CSMD1: variants seen among roughly 807,000 people sequenced by gnomAD.
The protein encoded by CSMD1 is CUB and Sushi multiple domains 1.
In CSMD1, 213 loss-of-function variants were observed where a neutral mutation model predicts 417.5. The ratio of observed to expected loss-of-function variants is 0.51; its 90% CI spans 0.46 to 0.57. CSMD1 has a LOEUF of 0.57. CSMD1 is among the 20% of genes least tolerant of loss of function. The pLI, the probability that CSMD1 is intolerant of heterozygous loss-of-function variation, is 0.00. For synonymous variants in CSMD1, 2,862 were observed against 1,736.8 expected (o/e 1.65, Z -16.11); for missense variants, 6,923 against 4,529.7 (o/e 1.53, Z -15.17).
intron 57 of CSMD1, among the ~76,000 whole-genome samples, 155 bp from the exon 58 acceptor site, chr8:2,966,901 C>T (rs1413312876): frequency 6.6e-6 from 1 of 152,182 alleles, no homozygotes; most frequent in East Asian, 1.9e-4. Flanking sequence ...ATATGGCTTA[C>T]TATGGCTCAT....
intron 5 of CSMD1, among the ~76,000 whole-genome samples, chr8:3,909,517 C>G (rs776517280): frequency 2.0e-5 from 3 of 152,080 alleles, no homozygotes; most frequent in Non-Finnish European, 4.4e-5. Context: ...AGGAATGTTC[C>G]CACAGCGTGG....
chr8:3,756,080 G>A (rs1431016967), intron 5 of CSMD1, among the ~76,000 whole-genome samples: 2 of 152,016 alleles, frequency 1.3e-5, no homozygotes, highest in African/African-American at 2.4e-5. Flanking sequence ...ATTGTGGCCG[G>A]GCGCAGTGGC....
chr8:4,276,091 T>C (rs1208229174), intron 3 of CSMD1, among the ~76,000 whole-genome samples: 1 of 152,136 alleles, frequency 6.6e-6, no homozygotes, highest in Non-Finnish European at 1.5e-5. Context: ...GAACTTGAAA[T>C]ACCATTTGAC....
chr8:3,370,538 A>G (rs1284240165), intron 18 of CSMD1, among the ~76,000 whole-genome samples: 1 of 152,232 alleles, frequency 6.6e-6, no homozygotes, highest in Non-Finnish European at 1.5e-5. Flanking sequence ...AGGGCTGCCC[A>G]GATAGCTGGT....
chr8:3,456,772 C>A (rs1017415097), intron 12 of CSMD1, among the ~76,000 whole-genome samples: 1 of 152,038 alleles, frequency 6.6e-6, no homozygotes, highest in Non-Finnish European at 1.5e-5. Context: ...CTGCAGATGA[C>A]CCATCCCCAT....
intron 3 of CSMD1, among the ~76,000 whole-genome samples, chr8:4,180,007 G>C (rs1301800209): frequency 2.0e-5 from 3 of 152,072 alleles, no homozygotes; most frequent in African/African-American, 7.2e-5. Flanking sequence ...AACCATTGTG[G>C]AAGTCAGTGT....
intron 8 of CSMD1, among the ~76,000 whole-genome samples, chr8:3,609,949 A>G (rs950133479): frequency 6.7e-6 from 1 of 150,270 alleles, no homozygotes; most frequent in African/African-American, 2.4e-5. Context: ...CTACGGGCGC[A>G]CACCAACATG....
intron 3 of CSMD1, among the ~76,000 whole-genome samples, chr8:4,035,315 T>C (rs1304617764): frequency 2.0e-5 from 3 of 152,220 alleles, no homozygotes; most frequent in Non-Finnish European, 2.9e-5. Context: ...TTGATGATAA[T>C]AGTGAACAAC....
chr8:4,181,743 C>T (rs1181509706), intron 3 of CSMD1, among the ~76,000 whole-genome samples: 1 of 151,926 alleles, frequency 6.6e-6, no homozygotes, highest in Non-Finnish European at 1.5e-5. Flanking sequence ...ACAAAATAAA[C>T]AACAATTCTT....
intron 1 of CSMD1, among the ~76,000 whole-genome samples, chr8:4,650,095 C>G (rs886671617): frequency 1.3e-5 from 2 of 152,092 alleles, no homozygotes; most frequent in East Asian, 1.9e-4. Context: ...TATCAATGAC[C>G]AGCACTTTGG....
At chr8:3,508,268 T>G (rs112084167) in intron 10 of CSMD1, among the ~76,000 whole-genome samples, 3,573 of 150,688 alleles carry the variant, frequency 0.024, 137 homozygotes, top group African/African-American at 0.082. Context: ...ATGCAAGACA[T>G]AGATCCTGGC....
intron 3 of CSMD1, among the ~76,000 whole-genome samples, chr8:4,089,578 T>C (rs1462142865): frequency 6.6e-6 from 1 of 152,202 alleles, no homozygotes; most frequent in African/African-American, 2.4e-5. Flanking sequence ...TTAGTTATTA[T>C]ACCTCTTCTC....
chr8:4,431,129 A>G (rs1797847681), intron 2 of CSMD1, among the ~76,000 whole-genome samples: 1 of 152,158 alleles, frequency 6.6e-6, no homozygotes, highest in Non-Finnish European at 1.5e-5. Context: ...CTGTAGAAAA[A>G]GAGGTGAGGC....
intron 33 of CSMD1, among the ~76,000 whole-genome samples, chr8:3,191,477 T>C (rs962922626): frequency 6.6e-6 from 1 of 151,848 alleles, no homozygotes; most frequent in Non-Finnish European, 1.5e-5. Context: ...AATGAAAAAA[T>C]AGCAAGCCCC....
intron 3 of CSMD1, among the ~76,000 whole-genome samples, chr8:4,195,096 G>A (rs1439253137): frequency 6.6e-6 from 1 of 152,146 alleles, no homozygotes; most frequent in African/African-American, 2.4e-5. Flanking sequence ...CCATGAAATT[G>A]GAAACAGAAA....
chr8:3,506,109 C>G (rs183951389), intron 10 of CSMD1, among the ~76,000 whole-genome samples: 8 of 152,146 alleles, frequency 5.3e-5, no homozygotes, highest in South Asian at 2.1e-4. Flanking sequence ...GGTGTCTCAT[C>G]GGAGGCCAGG....
At chr8:4,951,522 G>A (rs990747242) in intron 1 of CSMD1, among the ~76,000 whole-genome samples, 3 of 149,304 alleles carry the variant, frequency 2.0e-5, no homozygotes, top group Non-Finnish European at 3.0e-5. Flanking sequence ...GGATGGGAGG[G>A]GAGAAAGAGA....
intron 4 of CSMD1, among the ~76,000 whole-genome samples, chr8:4,013,645 C>T (rs1202294899): frequency 2.0e-5 from 3 of 152,150 alleles, no homozygotes; most frequent in African/African-American, 4.8e-5. Context: ...CTATCTCCAC[C>T]CATTAAAATG....
intron 40 of CSMD1, among the ~76,000 whole-genome samples, chr8:3,146,452 CA>C (rs1320874506): frequency 6.6e-6 from 1 of 152,088 alleles, no homozygotes; most frequent in Non-Finnish European, 1.5e-5. Context: ...TACAATACTT[CA>C]AAATAGCCCT....
Sources: allele counts gnomAD v4.1 joint callset (sites outside exome capture counted in the v4.1 genomes callset), GRCh38; gene constraint gnomAD v4.1.1; transcripts MANE v1.5; gene names NCBI Gene and HGNC (gene_info 2026-07-23, HGNC 2026-07-21).